Variants in ATP12A observed in about 807,000 individuals in gnomAD.
ATP12A encodes ATPase H+/K+ transporting non-gastric alpha2 subunit, also known as potassium-transporting ATPase alpha chain 2.
ATP12A carries 81 observed loss-of-function variants against 111.2 expected under a neutral mutation model. The observed-to-expected ratio is 0.73, with a 90% CI of 0.61 to 0.88. The LOEUF is 0.88. Among genes scored for constraint, ATP12A ranks in the 40% least tolerant of loss-of-function variants. The probability of loss-of-function intolerance (pLI) is 0.00; values close to 1 mark genes in which losing one functional copy is unlikely to be tolerated. For missense variants in ATP12A, 1,196 were observed against 1,313.1 expected, an observed-to-expected ratio of 0.91 and a Z score of 1.38; for synonymous variants, 498 against 499.8, an observed-to-expected ratio of 1.00 and a Z score of 0.05.
intron 21 of ATP12A, 149 bp from the exon 22 acceptor site, chr13:24,711,169 C>T: frequency 5.0e-6 from 4 of 802,396 alleles, no homozygotes; most frequent in Non-Finnish European, 7.8e-6. Context: ...AAACAAGGAG[C>T]TTTCCACCTT....
In ATP12A at chr13:24,690,280, G is replaced by T. The variant is rs199730999; in HGVS notation, c.547-58G>T. 1.6e-4 allele frequency: 249 copies of T among 1,596,516 alleles called. No homozygotes were observed. In the Middle Eastern group the frequency reaches 2.1e-3, roughly 13 times the overall value. ...CTGGGGTTCGGTGCGGCACAGACTT[G>T]GGGGAGGGCCGGTGTCCTTCCAGGG... On this transcript the variant is annotated intron_variant, in intron 5 of 22. Transcript: ENST00000381946.
In ATP12A at chr13:24,681,971, ATG is replaced by A. The variant is rs1566067841; in HGVS notation, c.168+252_168+253del. Among the ~76,000 whole-genome samples the A allele has an allele frequency of 8.5e-4, 73 of 85,634 alleles. 1 individual carries two copies. Among genetic ancestry groups the A allele is most frequent in the African/African-American group, 2.0e-3 (40 of 20,012 alleles). The allele number at this position is 85,634 out of a possible 152,430, so 56.2% of individuals were successfully genotyped here. ...TGTGTGTATGTGTGGTGTGTGGTGT[ATG>A]GTGTGTGGTGTGTGTGTATGGTGTG... On this transcript the variant is annotated intron_variant, in intron 2 of 22. Transcript: ENST00000381946.
intron 14 of ATP12A, among the ~76,000 whole-genome samples, chr13:24,702,486 C>T (rs1478588879): frequency 1.3e-5 from 2 of 152,186 alleles, no homozygotes; most frequent in Admixed American, 6.5e-5. Context: ...GGTATTTATC[C>T]ACCCGGTTTC....
In ATP12A at chr13:24,707,041, A is replaced by G; in HGVS notation, c.2188A>G (p.Thr730Ala). 6.2e-7 allele frequency: 1 copy of G among 1,607,798 alleles called. No individual in the cohort carries two copies. Among genetic ancestry groups the G allele is most frequent in the Non-Finnish European group, 8.5e-7 (1 of 1,176,392 alleles). Residue 730 changes from threonine to alanine, a missense_variant, in exon 16 of 23, where the codon ACC becomes GCC. This residue lies in a region of ATP12A where 1,126 missense variants were observed against 1,228.5 expected (regional missense o/e 0.92). Transcript: ENST00000381946. ...GCCATAGGATGCTGTTGTTGCTGTG[A>G]CCGGGGATGGAGTTAATGACTCTCC... The part of the protein sequence containing the change: ...CQRQDAVVAV[T>A]GDGVNDSPAL...
chr13:24,697,288 G>A (rs1461367329), intron 11 of ATP12A, among the ~76,000 whole-genome samples: 1 of 152,174 alleles, frequency 6.6e-6, no homozygotes, highest in Admixed American at 6.5e-5. Context: ...TGCCTGGCAC[G>A]TGGTACATAC....
intron 21 of ATP12A, 27 bp downstream of exon 21, chr13:24,710,920 G>A: frequency 1.3e-6 from 2 of 1,590,178 alleles, no homozygotes. Context: ...CAGCATGGAG[G>A]AAAGAGCCAG....
Position 24,711,904 on chromosome 13 carries a change from A to G in ATP12A, c.*382A>G, listed in dbSNP as rs999829902. 3.8e-6 allele frequency: 1 copy of G among 265,836 alleles called. No individual in the cohort carries two copies. The highest frequency in any genetic ancestry group is 2.2e-5 in the African/African-American group (1 of 44,788). 16.5% of individuals were successfully genotyped at this position (265,836 alleles called of 1,614,324 possible). A position where few individuals can be genotyped will look rare whatever the true frequency, so the allele number is the denominator to read the frequency against. On this transcript the variant is annotated 3_prime_UTR_variant, in exon 23 of 23. Transcript: ENST00000381946. ...TGCTCAGAACTCCTTTCCACACCCT[A>G]TTAAAGGCCCCATGACCTCCCTAAG...
At chr13:24,691,955 G>C (rs1184550400) in intron 8 of ATP12A, among the ~76,000 whole-genome samples, 1 of 152,124 alleles carries the variant, frequency 6.6e-6, no homozygotes, top group Non-Finnish European at 1.5e-5. Flanking sequence ...TGAGATCTAG[G>C]GGTTTAAAAG....
rs1368248871 is a variant in ATP12A at position 24,711,263 on chromosome 13, G to T, written c.3000-55G>T. 5 of 1,507,712 alleles carry T rather than the reference G, an allele frequency of 3.3e-6. No individual in the cohort carries two copies. In the Admixed American group the frequency reaches 5.8e-5, roughly 18 times the overall value. 93.4% of individuals were successfully genotyped at this position (1,507,712 alleles called of 1,614,324 possible). A position where few individuals can be genotyped will look rare whatever the true frequency, so the allele number is the denominator to read the frequency against. On this transcript the variant is annotated intron_variant, in intron 21 of 22. Transcript: ENST00000381946. ...AGAAGCCCCATTCCCATTGGGCAGG[G>T]TTGGGCTATCCCTGTGGATGAGTCA...
chr13:24,680,765 C>T lies in ATP12A; in HGVS notation c.9+13C>T, dbSNP rs762125438. On this transcript the variant is annotated intron_variant, in intron 1 of 22. Transcript: ENST00000381946. ...CAGCATGCACCAGGTGCGTGCAGCC[C>T]CCGCGCCGGCCGAGGATGCGAGACG... 3 of 1,489,178 alleles carry T rather than the reference C, an allele frequency of 2.0e-6. No homozygotes were observed. The South Asian group carries it at 3.8e-5, about 19-fold the overall frequency. The allele number at this position is 1,489,178 out of a possible 1,614,324, so 92.2% of individuals were successfully genotyped here.
intron 2 of ATP12A, among the ~76,000 whole-genome samples, chr13:24,683,052 G>A (rs938806309): frequency 4.6e-5 from 7 of 150,824 alleles, no homozygotes; most frequent in Admixed American, 1.3e-4. Context: ...CACCTCCTGG[G>A]TTCAAGCGAT....
rs1173032565 is a variant in ATP12A, at chr13:24,711,413, A to G, written c.3091+4A>G. On this transcript the variant is annotated splice_donor_region_variant and intron_variant, in intron 22 of 22. Transcript: ENST00000381946. Reference sequence around the variant, plus strand: ...TTCATCAGGCTCTACCCTGGAAGTGAGTAGCCTATGATTTTAGAGGCTCTG... The same window carrying G: ...TTCATCAGGCTCTACCCTGGAAGTGGGTAGCCTATGATTTTAGAGGCTCTG... 6.2e-7 allele frequency: 1 copy of G among 1,613,856 alleles called. No homozygotes were observed. Among genetic ancestry groups the G allele is most frequent in the East Asian group, 2.2e-5 (1 of 44,876 alleles).
At chr13:24,706,090 A>G (rs1875619603) in intron 14 of ATP12A, among the ~76,000 whole-genome samples, 1 of 152,162 alleles carries the variant, frequency 6.6e-6, no homozygotes, top group African/African-American at 2.4e-5. Flanking sequence ...TCCTATTGTT[A>G]TATGGTACCA....
Position 24,706,424 on chromosome 13 carries a change from C to A in ATP12A, c.2130C>A (p.Pro710=), listed in dbSNP as rs372391569. 127 of 1,614,094 alleles carry A rather than the reference C, an allele frequency of 7.9e-5. No individual in the cohort carries two copies. Among genetic ancestry groups the A allele is most frequent in the Non-Finnish European group, 1.1e-4 (124 of 1,180,036 alleles). Residue 710 remains proline, a synonymous_variant, in exon 15 of 23, where the codon CCC becomes CCA. Coordinates refer to ENST00000381946, the MANE Select transcript of ATP12A (RefSeq NM_001676.7). ...AGATTGTCTTTGCCCGGACATCCCC[C>A]CAGCAGAAGCTGATCATTGTGGAGG... is the stretch of plus-strand genomic sequence containing the variant. ...YQEIVFARTS[P]QQKLIIVEGC...
At chr13:24,683,808 C>T (rs998746169) in intron 2 of ATP12A, among the ~76,000 whole-genome samples, 2 of 152,164 alleles carry the variant, frequency 1.3e-5, no homozygotes, top group Non-Finnish European at 2.9e-5. Context: ...CTTATTATTT[C>T]CCATTATCTC....
Position 24,688,512 on chromosome 13 carries a change from C to T in ATP12A, c.422C>T (p.Ser141Phe). The change falls in exon 4 of 23, where the codon TCC becomes TTC. Residue 141 changes from serine to phenylalanine, a missense_variant. Around this residue, in one of 3 missense-constraint regions of ATP12A, gnomAD observed 1,126 missense variants for 1,228.5 expected, o/e 0.92. Coordinates refer to ENST00000381946, the MANE Select transcript of ATP12A (RefSeq NM_001676.7). ...CAGTACTCCAGCGACAAGTCTGCAT[C>T]CCTGAACAACGTAAGGCTCTGGGGT... The part of the protein sequence containing the change: ...GIQYSSDKSA[S>F]LNNVYLGCVL... 1 of 1,593,772 alleles carries T rather than the reference C, an allele frequency of 6.3e-7. No homozygotes were observed.
chr13:24,710,806 G>T lies in ATP12A; in HGVS notation c.2912G>T (p.Trp971Leu). 1 of 1,614,178 alleles carries T rather than the reference G, an allele frequency of 6.2e-7. No individual in the cohort carries two copies. The change falls in exon 21 of 23, where the codon TGG (tryptophan) becomes TTG (leucine). Residue 971 changes from tryptophan (W) to leucine (L), a missense_variant. By Grantham distance (61) the Trp-to-Leu change is moderately conservative (BLOSUM62 -2). This residue lies in a region of ATP12A where 1,126 missense variants were observed against 1,228.5 expected (regional missense o/e 0.92). Coordinates refer to ENST00000381946, the MANE Select transcript of ATP12A (RefSeq NM_001676.7). Reference sequence around the variant, plus strand: ...GTGTCTTGCAGAAATAAAGTCATCTGGGTGGGGATCACCTCACAGATCATC... The same window carrying T: ...GTGTCTTGCAGAAATAAAGTCATCTTGGTGGGGATCACCTCACAGATCATC... ...QQGLFRNKVI[W>L]VGITSQIIIG...
At position 24,689,361 on chromosome 13, in the gene ATP12A, A is replaced by G. The variant is rs1382382053; in HGVS notation, c.532A>G (p.Lys178Glu). ...KSTNIMSSFN[K>E]MIPQQALVIR... ...CACCAACATCATGTCCAGCTTCAATAAGATGATCCCTCAGGTGAGTGGCAG... is the reference window on the plus strand; with the variant it reads ...CACCAACATCATGTCCAGCTTCAATGAGATGATCCCTCAGGTGAGTGGCAG... The change falls in exon 5 of 23, where the codon AAG (lysine) becomes GAG (glutamate). Residue 178 changes from lysine to glutamate, a missense_variant. Physicochemically the swap from Lys to Glu is moderately conservative, Grantham distance 56 (BLOSUM62 1). This residue lies in a region of ATP12A where 1,126 missense variants were observed against 1,228.5 expected (regional missense o/e 0.92). Transcript: ENST00000381946. 3.1e-6 allele frequency: 5 copies of G among 1,613,780 alleles called. No homozygotes were observed. In the African/African-American group the frequency reaches 6.7e-5, roughly 22 times the overall value.
At chr13:24,697,923 A>C (rs944307176) in intron 11 of ATP12A, among the ~76,000 whole-genome samples, 1 of 152,110 alleles carries the variant, frequency 6.6e-6, no homozygotes, top group African/African-American at 2.4e-5. Flanking sequence ...TTTTCTTTGC[A>C]ACTTATTTTC....
Sources: allele counts gnomAD v4.1 joint callset (sites outside exome capture counted in the v4.1 genomes callset), GRCh38; gene constraint gnomAD v4.1.1; regional missense constraint gnomAD v4.1.1; transcripts MANE v1.5; gene names NCBI Gene and HGNC (gene_info 2026-07-23, HGNC 2026-07-21).